Variants in HTT observed in about 807,000 individuals in gnomAD.
The protein encoded by HTT is huntington disease protein.
Under a neutral mutation model 362.3 loss-of-function variants are expected in HTT, and 104 were observed. That is an observed-to-expected ratio of 0.29 (90% confidence interval 0.24 to 0.34). HTT has a LOEUF of 0.34. Among genes scored for constraint, HTT ranks in the 10% least tolerant of loss-of-function variants. The pLI, the probability that HTT is intolerant of heterozygous loss-of-function variation, is 1.00. For synonymous variants in HTT, 1,577 were observed against 1,548.7 expected (o/e 1.02, Z -0.43); for missense variants, 3,301 against 3,928.6 (o/e 0.84, Z 4.27).
intron 30 of HTT, 58 bp downstream of exon 30, chr4:3,172,455 CTGCTACTCCTTAAGAG>C: frequency 9.3e-7 from 1 of 1,073,186 alleles, no homozygotes; most frequent in Non-Finnish European, 1.5e-6. Context: ...CAGCAAAACG[CTGCTACTCCTTAAGAG>C]GCAGGCGCTG....
rs139309901 is a variant in HTT, at chr4:3,230,336, G to T, written c.8265+294G>T. Among the ~76,000 whole-genome samples, 1,461 of 152,242 alleles carry T rather than the reference G, an allele frequency of 9.6e-3. 12 individuals carry two copies. The highest frequency in any genetic ancestry group is 0.014 in the Non-Finnish European group (976 of 68,022). On this transcript the variant is annotated intron_variant, in intron 60 of 66. Transcript: ENST00000355072. ...TAGTAGCCCATCCCCACAGAACCAC[G>T]GTGTGTGGTGGCGCTGAGGCATCGT... is the stretch of plus-strand genomic sequence containing the variant.
rs139450686 is a variant in HTT at position 3,142,175 on chromosome 4, C to G, written c.2946-591C>G. Among the ~76,000 whole-genome samples the G allele has an allele frequency of 2.6e-5, 4 of 152,278 alleles. No individual in the cohort carries two copies. The East Asian group carries it at 7.7e-4, about 29-fold the overall frequency. On this transcript the variant is annotated intron_variant, in intron 22 of 66. Coordinates refer to ENST00000355072, the MANE Select transcript of HTT (RefSeq NM_001388492.1). ...GCAGCAGAGTGTGCTGCTTAGCTGC[C>G]TATTCTGTTAGCATTCATGTGTTAA...
chr4:3,225,920 G>A (rs562632852), intron 57 of HTT, among the ~76,000 whole-genome samples, 177 bp downstream of exon 57: 15 of 152,176 alleles, frequency 9.9e-5, no homozygotes, highest in African/African-American at 3.6e-4. Context: ...GGTCCCGCAA[G>A]CAGAGGAAGC....
intron 2 of HTT, among the ~76,000 whole-genome samples, chr4:3,090,085 T>G (rs1484444018): frequency 3.9e-5 from 6 of 152,250 alleles, no homozygotes; most frequent in Non-Finnish European, 7.3e-5. Flanking sequence ...TGTTTCCTGT[T>G]AACTCTCCTA....
rs775839735 is a variant in HTT, at chr4:3,208,802, G to A, written c.6182G>A (p.Arg2061Lys). 6.2e-7 allele frequency: 1 copy of A among 1,613,962 alleles called. No homozygotes were observed. Among genetic ancestry groups the A allele is most frequent in the South Asian group, 1.1e-5 (1 of 91,050 alleles). ...CAAAGGCTCTATTCCCTGCTGGACA[G>A]GTTTCGTCTCTCCACCATGCAAGAC... The part of the protein sequence containing the change: ...RHQRLYSLLD[R>K]FRLSTMQDSL... Residue 2061 changes from arginine to lysine, a missense_variant, in exon 46 of 67, where the codon AGG (arginine) becomes AAG (lysine). Physicochemically the swap from Arg to Lys is conservative, Grantham distance 26. Coordinates refer to ENST00000355072, the MANE Select transcript of HTT (RefSeq NM_001388492.1).
intron 27 of HTT, among the ~76,000 whole-genome samples, chr4:3,156,684 A>G (rs1717165728): frequency 6.6e-6 from 1 of 152,172 alleles, no homozygotes; most frequent in African/African-American, 2.4e-5. Flanking sequence ...ACATTTTTAC[A>G]TCATCCCTGT....
At chr4:3,195,310 T>G (rs1483160925) in intron 40 of HTT, among the ~76,000 whole-genome samples, 1 of 152,108 alleles carries the variant, frequency 6.6e-6, no homozygotes, top group Admixed American at 6.5e-5. Context: ...CCTGCTTCCA[T>G]TGTTCCTTTT....
chr4:3,220,114 C>T (rs1720606193), intron 52 of HTT, 68 bp from the exon 53 acceptor site: 22 of 1,582,156 alleles, frequency 1.4e-5, no homozygotes, highest in Non-Finnish European at 1.8e-5. Flanking sequence ...AGTCGGGCTT[C>T]CTGCTTCCTC....
chr4:3,210,068 G>C lies in HTT; in HGVS notation c.6414+119G>C. 2.4e-6 allele frequency: 3 copies of C among 1,267,600 alleles called. No homozygotes were observed. The Admixed American group carries it at 5.5e-5, about 23-fold the overall frequency. The allele number at this position is 1,267,600 out of a possible 1,614,324, so 78.5% of individuals were successfully genotyped here. On this transcript the variant is annotated intron_variant, in intron 47 of 66. Coordinates refer to ENST00000355072, the MANE Select transcript of HTT (RefSeq NM_001388492.1). ...AACACATGTTGGGGACTCCAGTCTG[G>C]GCAGGGACGGGATGTCGGAGAGACT...
chr4:3,173,172 G>T (rs373613788), intron 31 of HTT, 41 bp downstream of exon 31: 1 of 1,484,622 alleles, frequency 6.7e-7, no homozygotes, highest in South Asian at 1.1e-5. Flanking sequence ...GTGGAAGCAC[G>T]AAAGAGCAAG....
At chr4:3,143,796 T>G (rs1716468150) in intron 23 of HTT, among the ~76,000 whole-genome samples, 1 of 151,856 alleles carries the variant, frequency 6.6e-6, no homozygotes, top group African/African-American at 2.4e-5. Flanking sequence ...AGAGACAGGG[T>G]TTCTCCATGT....
intron 33 of HTT, among the ~76,000 whole-genome samples, chr4:3,176,921 C>T (rs896082982): frequency 2.0e-5 from 3 of 152,216 alleles, no homozygotes; most frequent in African/African-American, 7.2e-5. Context: ...AACTGGCTCC[C>T]ATGCAGCCCT....
chr4:3,168,042 G>C (rs1350638798), intron 29 of HTT, among the ~76,000 whole-genome samples: 1 of 152,138 alleles, frequency 6.6e-6, no homozygotes, highest in East Asian at 1.9e-4. Context: ...TTTTAGAGGG[G>C]GATATGTAGG....
intron 29 of HTT, among the ~76,000 whole-genome samples, chr4:3,165,870 G>A (rs975052710): frequency 5.3e-5 from 8 of 151,884 alleles, no homozygotes; most frequent in South Asian, 2.1e-4. Flanking sequence ...CCTTTAGCTC[G>A]GAGAAGTTTG....
chr4:3,092,312 G>T (rs1231664139), intron 2 of HTT, among the ~76,000 whole-genome samples: 1 of 152,078 alleles, frequency 6.6e-6, no homozygotes, highest in Admixed American at 6.6e-5. Context: ...GAGCCACTGC[G>T]CCTGGCCAGA....
chr4:3,142,795 G>A lies in HTT; in HGVS notation c.2975G>A (p.Ser992Asn). The A allele has an allele frequency of 1.3e-6, 2 of 1,561,940 alleles. No homozygotes were observed. The highest frequency in any genetic ancestry group is 1.8e-6 in the Non-Finnish European group (2 of 1,132,758). The change falls in exon 23 of 67, where the codon AGC becomes AAC. Residue 992 changes from serine (S) to asparagine (N), a missense_variant. Physicochemically the swap from Ser to Asn is conservative, Grantham distance 46 (BLOSUM62 1). This residue lies in a region of HTT where 2,316 missense variants were observed against 2,658.5 expected (regional missense o/e 0.87). Coordinates refer to ENST00000355072, the MANE Select transcript of HTT (RefSeq NM_001388492.1). ...RIYRGYNLLP[S>N]ITDVTMENNL... ...TATAGAGGCTATAACCTACTACCAA[G>A]CATAACAGACGTCACTATGGAAAAT...
chr4:3,208,123 T>C (rs1053834985), intron 45 of HTT, among the ~76,000 whole-genome samples: 6 of 152,232 alleles, frequency 3.9e-5, no homozygotes, highest in African/African-American at 1.4e-4. Context: ...ACCTTGTTGA[T>C]GGTGTTTTTA....
At chr4:3,213,413 G>A (rs1420791627) in intron 49 of HTT, among the ~76,000 whole-genome samples, 1 of 152,226 alleles carries the variant, frequency 6.6e-6, no homozygotes, top group Non-Finnish European at 1.5e-5. Flanking sequence ...TATGCAGGAT[G>A]AAATACTTTA....
In HTT at chr4:3,145,244, A is replaced by G. The variant is rs371231115; in HGVS notation, c.3143+16A>G. On this transcript the variant is annotated intron_variant, in intron 24 of 66. Coordinates refer to ENST00000355072, the MANE Select transcript of HTT (RefSeq NM_001388492.1). ...GGCACTGTGGGTATGTATTTTCCTC[A>G]GTATATATTAATAGTTGTCTACAAC... The G allele has an allele frequency of 1.1e-4, 170 of 1,512,610 alleles. 1 individual carries two copies. The highest frequency in any genetic ancestry group is 1.1e-4 in the Non-Finnish European group (119 of 1,087,650). The allele number at this position is 1,512,610 out of a possible 1,614,324, so 93.7% of individuals were successfully genotyped here.
Sources: allele counts gnomAD v4.1 joint callset (sites outside exome capture counted in the v4.1 genomes callset), GRCh38; gene constraint gnomAD v4.1.1; regional missense constraint gnomAD v4.1.1; transcripts MANE v1.5; gene names NCBI Gene and HGNC (gene_info 2026-07-23, HGNC 2026-07-21).